The following C22orf23 variants were observed in gnomAD, a reference collection of about 807,000 sequenced individuals.
C22orf23 encodes the protein UPF0193 protein EVG1.
A neutral mutation model predicts 29.7 loss-of-function variants in C22orf23; 30 were observed. The ratio of observed to expected loss-of-function variants is 1.01; its 90% CI spans 0.76 to 1.37. The LOEUF is 1.37. C22orf23 is among the 40% of genes most tolerant of loss of function. The pLI is 0.00. For missense variants in C22orf23, 237 were observed against 273.1 expected, an observed-to-expected ratio of 0.87 and a Z score of 0.93; for synonymous variants, 90 against 96.1, an observed-to-expected ratio of 0.94 and a Z score of 0.37.
intron 1 of C22orf23, 111 bp from the exon 2 acceptor site, chr22:37,953,269 A>G (rs1462899892): frequency 2.8e-6 from 2 of 703,628 alleles, no homozygotes; most frequent in African/African-American, 1.8e-5. Flanking sequence ...CCAGAGAATG[A>G]TGCCGCCAGT....
chr22:37,953,399 A>G (rs1931194809), intron 1 of C22orf23, 49 bp downstream of exon 1: 1 of 573,132 alleles, frequency 1.7e-6, no homozygotes, highest in South Asian at 2.1e-5. Context: ...TAACACAGCC[A>G]TGGTCACAAC....
In C22orf23 at chr22:37,951,522, A is replaced by G. The variant is rs1184060640; in HGVS notation, c.104T>C (p.Val35Ala). The G allele has an allele frequency of 1.2e-6, 2 of 1,613,834 alleles. No individual in the cohort carries two copies. Among genetic ancestry groups the G allele is most frequent in the South Asian group, 2.2e-5 (2 of 91,060 alleles). The stretch of plus-strand genomic sequence containing the variant: ...CGTCAGTTTGGATTCCTTCATCATC[A>G]CTGCACGACAAAGCATTCTATGAGG... ...YTPGTCELLR[V>A]MMKESKLTNI... The change falls in exon 3 of 7, where the codon GTG becomes GCG. Residue 35 changes from valine to alanine, a missense_variant and splice_region_variant. Coordinates refer to ENST00000403305, the MANE Select transcript of C22orf23 (RefSeq NM_032561.5).
chr22:37,951,534 A>T lies in C22orf23; in HGVS notation c.104-12T>A. The T allele has an allele frequency of 6.2e-7, 1 of 1,613,712 alleles. No individual in the cohort carries two copies. Among genetic ancestry groups the T allele is most frequent in the Non-Finnish European group, 8.5e-7 (1 of 1,179,804 alleles). On this transcript the variant is annotated splice_polypyrimidine_tract_variant and intron_variant, in intron 2 of 6. Coordinates refer to ENST00000403305, the MANE Select transcript of C22orf23 (RefSeq NM_032561.5). The stretch of plus-strand genomic sequence containing the variant: ...TTCCTTCATCATCACTGCACGACAA[A>T]GCATTCTATGAGGCCTCTTGGGCTG...
At position 37,944,093 on chromosome 22, in the gene C22orf23, T is replaced by A; in HGVS notation, c.*82A>T. The stretch of plus-strand genomic sequence containing the variant: ...GTGGCAGAAGGCTGGTAGGATGGGC[T>A]GGCCTGAGGATGGCCCTGCCTGGCA... On this transcript the variant is annotated 3_prime_UTR_variant, in exon 7 of 7. Coordinates refer to ENST00000403305, the MANE Select transcript of C22orf23 (RefSeq NM_032561.5). 7.7e-7 allele frequency: 1 copy of A among 1,303,752 alleles called. No homozygotes were observed. The highest frequency in any genetic ancestry group is 1.5e-5 in the African/African-American group (1 of 68,942). 80.8% of individuals were successfully genotyped at this position (1,303,752 alleles called of 1,614,324 possible). A position where few individuals can be genotyped will look rare whatever the true frequency, so the allele number is the denominator to read the frequency against.
chr22:37,951,676 C>A, intron 2 of C22orf23, 154 bp from the exon 3 acceptor site: 2 of 471,898 alleles, frequency 4.2e-6, no homozygotes. Context: ...ATAGCACTTA[C>A]GACCACCTAA....
At chr22:37,948,027 A>G (rs537596606) in intron 3 of C22orf23, among the ~76,000 whole-genome samples, 1 of 152,116 alleles carries the variant, frequency 6.6e-6, no homozygotes, top group South Asian at 2.1e-4. Context: ...GAATGGCATG[A>G]ACCTGGGAGG....
chr22:37,951,666 A>G (rs1931019431), intron 2 of C22orf23, 144 bp from the exon 3 acceptor site: 1 of 543,432 alleles, frequency 1.8e-6, no homozygotes, highest in Non-Finnish European at 3.2e-6. Flanking sequence ...CGTTTTTTCT[A>G]TAGCACTTAC....
intron 4 of C22orf23, among the ~76,000 whole-genome samples, 157 bp from the exon 5 acceptor site, chr22:37,945,330 G>A (rs983003196): frequency 2.6e-5 from 4 of 152,064 alleles, no homozygotes; most frequent in African/African-American, 9.7e-5. Context: ...GAGCAATACT[G>A]TACTGTCAAG....
At chr22:37,953,614 A>T, upstream of C22orf23, 1 of 716,852 alleles carries the variant, frequency 1.4e-6, no homozygotes, top group East Asian at 2.9e-5. Flanking sequence ...AAACGCGCAC[A>T]CACCAGTCAG....
At position 37,953,491 on chromosome 22, in the gene C22orf23, G is replaced by A; in HGVS notation, c.-53C>T. The A allele has an allele frequency of 1.8e-6, 1 of 542,676 alleles. No homozygotes were observed. Among genetic ancestry groups the A allele is most frequent in the Non-Finnish European group, 3.2e-6 (1 of 308,052 alleles). The allele number at this position is 542,676 out of a possible 1,614,324, so 33.6% of individuals were successfully genotyped here. A position where few individuals can be genotyped will look rare whatever the true frequency, so the allele number is the denominator to read the frequency against. On this transcript the variant is annotated 5_prime_UTR_variant, in exon 1 of 7. Coordinates refer to ENST00000403305, the MANE Select transcript of C22orf23 (RefSeq NM_032561.5). ...TGCTCCCCTCTCCACATAGAAGTGG[G>A]CTCCCGGAGGCGGTGACCACTGCTT... is the stretch of plus-strand genomic sequence containing the variant.
rs1464099862 is a variant in C22orf23, at chr22:37,947,419, TCTGG to T, written c.207_210del (p.Ser69ArgfsTer9). On this transcript the variant is annotated frameshift_variant, in exon 4 of 7. Transcript: ENST00000403305. LOFTEE classifies it high-confidence loss of function. ...GCTATTTGCTTGGAAGGTAAGACTC[TCTGG>T]CTGGATGTTGGGCTGCACTGTAGGG... is the stretch of plus-strand genomic sequence containing the variant. 6.2e-7 allele frequency: 1 copy of T among 1,610,438 alleles called. No homozygotes were observed. Among genetic ancestry groups the T allele is most frequent in the Admixed American group, 1.7e-5 (1 of 59,758 alleles).
At chr22:37,948,611 ACT>A (rs1433042963) in intron 3 of C22orf23, among the ~76,000 whole-genome samples, 1 of 152,202 alleles carries the variant, frequency 6.6e-6, no homozygotes, top group Non-Finnish European at 1.5e-5. Flanking sequence ...ACAGAGTGAG[ACT>A]CTGTCTCAAA....
Position 37,953,094 on chromosome 22 carries a change from C to T in C22orf23, c.56G>A (p.Arg19His), listed in dbSNP as rs763872795. 4 of 1,613,632 alleles carry T rather than the reference C, an allele frequency of 2.5e-6. No homozygotes were observed. Among genetic ancestry groups the T allele is most frequent in the South Asian group, 1.1e-5 (1 of 91,052 alleles). ...CGGGGTGTAAGTGATGGTCTTGGGG[C>T]GGCGCCGGAACCCAGTTCCTTTGGT... is the stretch of plus-strand genomic sequence containing the variant. ...VVTKGTGFRR[R>H]PKTITYTPGT... The change falls in exon 2 of 7, where the codon CGC becomes CAC. Residue 19 changes from arginine to histidine, a missense_variant. Coordinates refer to ENST00000403305, the MANE Select transcript of C22orf23 (RefSeq NM_032561.5).
intron 2 of C22orf23, among the ~76,000 whole-genome samples, chr22:37,952,264 G>T (rs12166659): frequency 8.7e-4 from 133 of 152,252 alleles, no homozygotes; most frequent in Middle Eastern, 3.4e-3. Context: ...CTACAATTGT[G>T]GGCCGAAACA....
chr22:37,950,193 C>T (rs1461498039), intron 3 of C22orf23, among the ~76,000 whole-genome samples: 6 of 151,530 alleles, frequency 4.0e-5, no homozygotes, highest in African/African-American at 1.5e-4. Context: ...GCTCGCTGCA[C>T]CCTCTGCCTG....
chr22:37,944,259 T>C lies in C22orf23; in HGVS notation c.583-13A>G. The stretch of plus-strand genomic sequence containing the variant: ...TTTCCCGGAGTTTCTGCAAAGGGCA[T>C]CAGGGAAAGCAGGTGTATCAGGGCT... On this transcript the variant is annotated splice_polypyrimidine_tract_variant and intron_variant, in intron 6 of 6. Transcript: ENST00000403305. 1 of 1,614,214 alleles carries C rather than the reference T, an allele frequency of 6.2e-7. No homozygotes were observed. Among genetic ancestry groups the C allele is most frequent in the Non-Finnish European group, 8.5e-7 (1 of 1,180,036 alleles).
intron 4 of C22orf23, among the ~76,000 whole-genome samples, chr22:37,945,878 C>T (rs1930670295): frequency 6.7e-6 from 1 of 150,324 alleles, no homozygotes; most frequent in South Asian, 2.1e-4. Context: ...CTTTGGGAGG[C>T]TGAGGCAGGC....
In C22orf23 at chr22:37,944,891, A is replaced by G. The variant is rs557080438; in HGVS notation, c.481+151T>C. 52 of 859,080 alleles carry G rather than the reference A, an allele frequency of 6.1e-5. No homozygotes were observed. In the African/African-American group the frequency reaches 8.7e-4, roughly 14 times the overall value. The allele number at this position is 859,080 out of a possible 1,614,324, so 53.2% of individuals were successfully genotyped here. ...CTCTAGCCTGGGCAATAAGAGCAAG[A>G]CTGTCTCAAAATAAATAAATAAATA... On this transcript the variant is annotated intron_variant, in intron 5 of 6. Transcript: ENST00000403305.
In C22orf23 at chr22:37,943,797, G is replaced by A. The variant is rs1930530824; in HGVS notation, c.*378C>T. On this transcript the variant is annotated 3_prime_UTR_variant, in exon 7 of 7. Coordinates refer to ENST00000403305, the MANE Select transcript of C22orf23 (RefSeq NM_032561.5). Reference sequence around the variant, plus strand: ...GTTGAATACTTGCCTAAGGCGGTAAGAAATCAAATAAGTAAATCCTAAAAC... The same window carrying A: ...GTTGAATACTTGCCTAAGGCGGTAAAAAATCAAATAAGTAAATCCTAAAAC... 2 of 250,064 alleles carry A rather than the reference G, an allele frequency of 8.0e-6. No homozygotes were observed. Among genetic ancestry groups the A allele is most frequent in the African/African-American group, 4.4e-5 (2 of 45,602 alleles). The allele number at this position is 250,064 out of a possible 1,614,324, so 15.5% of individuals were successfully genotyped here.
Sources: allele counts gnomAD v4.1 joint callset (sites outside exome capture counted in the v4.1 genomes callset), GRCh38; gene constraint gnomAD v4.1.1; transcripts MANE v1.5; gene names NCBI Gene and HGNC (gene_info 2026-07-23, HGNC 2026-07-21).